FANCC: variants seen among roughly 807,000 people sequenced by gnomAD.
FANCC encodes the protein Fanconi anemia group C protein.
FANCC carries 55 observed loss-of-function variants against 71.3 expected under a neutral mutation model. That is an observed-to-expected ratio of 0.77 (90% CI 0.62 to 0.97). FANCC has a LOEUF of 0.97. FANCC is among the 50% of genes least tolerant of loss of function. The pLI is 0.00. For missense variants in FANCC, 678 were observed against 670.9 expected, an observed-to-expected ratio of 1.01 and a Z score of -0.12; for synonymous variants, 275 against 244.9, an observed-to-expected ratio of 1.12 and a Z score of -1.15.
At chr9:95,289,482 C>CG (rs1242561295) in intron 1 of FANCC, among the ~76,000 whole-genome samples, 1 of 151,950 alleles carries the variant, frequency 6.6e-6, no homozygotes, top group Non-Finnish European at 1.5e-5. Flanking sequence ...TTGTATTTCA[C>CG]GGGGGGATAA....
rs938794536 is a variant in FANCC, at chr9:95,302,046, C to T, written c.-79+15480G>A. 2.1e-4 allele frequency among the ~76,000 whole-genome samples: 28 copies of T among 133,824 alleles called. 1 individual carries two copies. The allele number at this position is 133,824 out of a possible 152,430, so 87.8% of individuals were successfully genotyped here. ...GCAGTGAGCAGAGATGGCGCCACTG[C>T]ACTCCAGCCTGGGAGACAGAGTGAG... On this transcript the variant is annotated intron_variant, in intron 1 of 14. Coordinates refer to ENST00000289081, the MANE Select transcript of FANCC (RefSeq NM_000136.3).
intron 1 of FANCC, among the ~76,000 whole-genome samples, chr9:95,269,867 A>G (rs1832620939): frequency 6.6e-6 from 1 of 152,106 alleles, no homozygotes; most frequent in Non-Finnish European, 1.5e-5. Flanking sequence ...AAGTATAGAG[A>G]AAGAAATAAG....
chr9:95,132,530 C>G (rs1283691708), intron 8 of FANCC, among the ~76,000 whole-genome samples: 2 of 152,174 alleles, frequency 1.3e-5, no homozygotes, highest in Non-Finnish European at 2.9e-5. Context: ...TCAGTCTGTA[C>G]AGTAAATGAC....
chr9:95,156,052 T>C (rs555992116), intron 6 of FANCC, among the ~76,000 whole-genome samples: 113 of 152,254 alleles, frequency 7.4e-4, no homozygotes, highest in African/African-American at 2.6e-3. Context: ...GATTAAAAAT[T>C]TGCCTTTGTG....
intron 7 of FANCC, among the ~76,000 whole-genome samples, chr9:95,139,889 G>A (rs1933047307): frequency 6.8e-6 from 1 of 146,322 alleles, no homozygotes; most frequent in Non-Finnish European, 1.5e-5. Context: ...AAAATTTAAA[G>A]GGACAATAAA....
chr9:95,243,560 G>T (rs1422823949), intron 3 of FANCC, among the ~76,000 whole-genome samples: 1 of 151,792 alleles, frequency 6.6e-6, no homozygotes, highest in South Asian at 2.1e-4. Context: ...CGAGGTGGGC[G>T]GATCACAAGG....
At chr9:95,170,055 A>G (rs1009254469) in intron 6 of FANCC, among the ~76,000 whole-genome samples, 3 of 152,162 alleles carry the variant, frequency 2.0e-5, no homozygotes, top group Non-Finnish European at 4.4e-5. Flanking sequence ...ATCAACTGTG[A>G]TGCATATTTT....
At chr9:95,111,109 G>C in intron 13 of FANCC, 3 of 1,524,234 alleles carry the variant, frequency 2.0e-6, no homozygotes, top group Non-Finnish European at 2.6e-6. Context: ...TCTGCTGCCG[G>C]CACACCCCTC....
chr9:95,177,666 ATTT>A, intron 4 of FANCC, among the ~76,000 whole-genome samples: 1 of 151,566 alleles, frequency 6.6e-6, no homozygotes, highest in Non-Finnish European at 1.5e-5. Flanking sequence ...TAATTTTTTA[ATTT>A]TTTTTTACTT....
At chr9:95,182,316 C>G (rs988922885) in intron 4 of FANCC, among the ~76,000 whole-genome samples, 2 of 151,678 alleles carry the variant, frequency 1.3e-5, no homozygotes, top group African/African-American at 4.8e-5. Flanking sequence ...GTCAGGAGAT[C>G]GAGACCATCC....
At chr9:95,186,762 G>C (rs1454849665) in intron 4 of FANCC, among the ~76,000 whole-genome samples, 8 of 151,950 alleles carry the variant, frequency 5.3e-5, no homozygotes, top group Admixed American at 5.2e-4. Context: ...TTGAGGTTAG[G>C]GGGAGACTGC....
intron 1 of FANCC, among the ~76,000 whole-genome samples, chr9:95,316,061 A>G (rs149413960): frequency 6.6e-6 from 1 of 152,354 alleles, no homozygotes; most frequent in African/African-American, 2.4e-5. Context: ...ATGCCTTGGT[A>G]AACGTTTTTG....
chr9:95,266,202 A>G (rs1022071275), intron 1 of FANCC, among the ~76,000 whole-genome samples: 1 of 152,262 alleles, frequency 6.6e-6, no homozygotes, highest in Admixed American at 6.5e-5. Context: ...ATTAACAAAC[A>G]TAAACCAGTA....
rs139249708 is a variant in FANCC at position 95,179,089 on chromosome 9, G to C, written c.346-6942C>G. ...AAATAATTATAAAATTGCTTGGTTG[G>C]TTTATGCTCGTTAACCAAATGCTCC... On this transcript the variant is annotated intron_variant, in intron 4 of 14. Transcript: ENST00000289081. 3.0e-3 allele frequency among the ~76,000 whole-genome samples: 462 copies of C among 152,268 alleles called. 1 individual carries two copies. The Middle Eastern group carries it at 0.031, about 10-fold the overall frequency.
At chr9:95,178,367 G>A (rs1256534736) in intron 4 of FANCC, among the ~76,000 whole-genome samples, 1 of 152,244 alleles carries the variant, frequency 6.6e-6, no homozygotes, top group Non-Finnish European at 1.5e-5. Context: ...ATGGGACAAG[G>A]GGTGGTGGAG....
intron 4 of FANCC, among the ~76,000 whole-genome samples, chr9:95,222,390 T>A (rs1021740433): frequency 7.9e-5 from 12 of 152,104 alleles, no homozygotes; most frequent in African/African-American, 2.9e-4. Context: ...AGACACAGAG[T>A]ATATACTATA....
chr9:95,255,060 T>C (rs572969238), intron 1 of FANCC, among the ~76,000 whole-genome samples: 2 of 152,260 alleles, frequency 1.3e-5, no homozygotes, highest in Admixed American at 6.5e-5. Flanking sequence ...CCCCAGTCAG[T>C]AGCTTATAGA....
intron 1 of FANCC, among the ~76,000 whole-genome samples, chr9:95,287,621 A>T (rs1833764191): frequency 6.6e-6 from 1 of 152,208 alleles, no homozygotes; most frequent in Admixed American, 6.5e-5. Context: ...ATAGAGTTAA[A>T]AGAATTCCAT....
intron 8 of FANCC, among the ~76,000 whole-genome samples, chr9:95,132,964 C>G (rs896445432): frequency 1.3e-5 from 2 of 152,230 alleles, no homozygotes; most frequent in African/African-American, 4.8e-5. Context: ...TAGACCATCA[C>G]ACTTTAATTA....
Sources: gnomAD v4.1 joint callset for allele counts (sites outside exome capture counted in the v4.1 genomes callset) on GRCh38, gnomAD v4.1.1 for gene constraint, MANE v1.5 for transcripts, NCBI Gene and HGNC (gene_info 2026-07-23, HGNC 2026-07-21) for gene names.